SDK1: variants seen among roughly 807,000 people sequenced by gnomAD.
SDK1 encodes sidekick cell adhesion molecule 1.
SDK1 carries 157 observed loss-of-function variants against 245.5 expected under a neutral mutation model. The observed-to-expected ratio is 0.64, with a 90% CI of 0.56 to 0.73. The LOEUF is 0.73. Ranked by LOEUF, SDK1 falls within the 30% of genes least tolerant of loss-of-function variation. SDK1 has a pLI of 0.00. For synonymous variants in SDK1, 1,647 were observed against 1,278.5 expected, an observed-to-expected ratio of 1.29 and a Z score of -6.15; for missense variants, 3,583 against 3,002.3, an observed-to-expected ratio of 1.19 and a Z score of -4.52.
At chr7:3,477,384 T>G (rs1781379852) in intron 1 of SDK1, among the ~76,000 whole-genome samples, 1 of 151,066 alleles carries the variant, frequency 6.6e-6, no homozygotes, top group Non-Finnish European at 1.5e-5. Flanking sequence ...TTAGTAGAGA[T>G]GGGGTTTCAC....
intron 1 of SDK1, among the ~76,000 whole-genome samples, chr7:3,485,512 G>A (rs1325655962): frequency 2.6e-5 from 4 of 151,806 alleles, no homozygotes; most frequent in Admixed American, 6.6e-5. Flanking sequence ...GAGGTACCAG[G>A]GTGTAGGTAA....
chr7:4,025,047 CACAA>C (rs1023206098), intron 17 of SDK1, among the ~76,000 whole-genome samples: 12 of 144,646 alleles, frequency 8.3e-5, no homozygotes, highest in African/African-American at 2.1e-4. Context: ...CACACACACA[CACAA>C]ACAGAGCATC....
At chr7:4,000,909 G>A (rs1420249172) in intron 14 of SDK1, among the ~76,000 whole-genome samples, 3 of 152,084 alleles carry the variant, frequency 2.0e-5, no homozygotes, top group African/African-American at 7.2e-5. Context: ...TGTCAGAGGT[G>A]TTTATGAAGG....
At position 4,256,576 on chromosome 7, in the gene SDK1, G is replaced by T. The variant is rs370087562; in HGVS notation, c.6382-8548G>T. ...AAAAGTGGCTTGGATTTCGACGAGGGTTTAAGACGTTTATCCTCTCTACTG... is the reference window on the plus strand; with the variant it reads ...AAAAGTGGCTTGGATTTCGACGAGGTTTTAAGACGTTTATCCTCTCTACTG... On this transcript the variant is annotated intron_variant, in intron 44 of 44. Transcript: ENST00000404826. Among the ~76,000 whole-genome samples the T allele has an allele frequency of 3.2e-4, 49 of 152,360 alleles. 1 individual carries two copies. The East Asian group carries it at 3.9e-3, about 12-fold the overall frequency.
intron 32 of SDK1, among the ~76,000 whole-genome samples, chr7:4,168,480 G>T (rs6979021): frequency 0.12 from 18,844 of 152,244 alleles, 2,185 homozygotes; most frequent in African/African-American, 0.3. Context: ...TCCAGCCCCA[G>T]AGGCTGGGAA....
At chr7:3,809,343 C>A (rs1779328573) in intron 4 of SDK1, among the ~76,000 whole-genome samples, 2 of 152,046 alleles carry the variant, frequency 1.3e-5, no homozygotes, top group Non-Finnish European at 2.9e-5. Context: ...CAGTCACCTC[C>A]CACCAGGCCC....
chr7:3,521,225 C>T (rs1275539505), intron 1 of SDK1, among the ~76,000 whole-genome samples: 1 of 152,198 alleles, frequency 6.6e-6, no homozygotes, highest in Admixed American at 6.5e-5. Flanking sequence ...TCAAGGGAAT[C>T]TTTTACTTCC....
chr7:3,718,779 A>G (rs1442838802), intron 4 of SDK1, among the ~76,000 whole-genome samples: 1 of 152,066 alleles, frequency 6.6e-6, no homozygotes, highest in Non-Finnish European at 1.5e-5. Context: ...GTACCTAACC[A>G]GTACAATAAG....
intron 36 of SDK1, 46 bp downstream of exon 36, chr7:4,206,040 C>T (rs983906480): frequency 7.8e-7 from 1 of 1,283,006 alleles, no homozygotes; most frequent in Non-Finnish European, 1.1e-6. Flanking sequence ...GCTTGGGCAC[C>T]CCTCGTTCAC....
At chr7:3,480,295 T>C (rs1343851858) in intron 1 of SDK1, among the ~76,000 whole-genome samples, 2 of 152,152 alleles carry the variant, frequency 1.3e-5, no homozygotes, top group African/African-American at 2.4e-5. Flanking sequence ...GAGTGGCTCA[T>C]GTGAAAACCT....
At chr7:4,052,153 C>T (rs887689818) in intron 19 of SDK1, among the ~76,000 whole-genome samples, 2 of 141,274 alleles carry the variant, frequency 1.4e-5, no homozygotes, top group African/African-American at 5.9e-5. Context: ...CTGATTCCCT[C>T]ACCTGCTTCC....
intron 1 of SDK1, among the ~76,000 whole-genome samples, chr7:3,444,027 C>A (rs147347331): frequency 5.3e-5 from 8 of 152,218 alleles, no homozygotes; most frequent in Non-Finnish European, 5.9e-5. Context: ...TCAAGAGAGG[C>A]GGTTGTGCAG....
intron 1 of SDK1, among the ~76,000 whole-genome samples, chr7:3,305,795 A>T (rs973271685): frequency 6.8e-6 from 1 of 147,418 alleles, no homozygotes. Flanking sequence ...ATTACCCTCT[A>T]TGCAGTCTGC....
At chr7:4,074,882 C>A (rs1440327178) in intron 20 of SDK1, among the ~76,000 whole-genome samples, 26 of 80,584 alleles carry the variant, frequency 3.2e-4, no homozygotes, top group African/African-American at 1.9e-3. Flanking sequence ...CTCTCTCTCT[C>A]TCTGTATATA....
intron 4 of SDK1, among the ~76,000 whole-genome samples, chr7:3,777,145 G>A (rs1449387003): frequency 6.6e-6 from 1 of 152,166 alleles, no homozygotes; most frequent in African/African-American, 2.4e-5. Flanking sequence ...AGATAAAAGT[G>A]TCACTGTAGG....
At chr7:3,790,661 C>G (rs1033572387) in intron 4 of SDK1, among the ~76,000 whole-genome samples, 2 of 152,110 alleles carry the variant, frequency 1.3e-5, no homozygotes, top group African/African-American at 4.8e-5. Flanking sequence ...ACAAAATTAT[C>G]TGGGCATGGT....
Position 3,931,034 on chromosome 7 carries a change from A to G in SDK1, c.848-19889A>G, listed in dbSNP as rs577838207. Among the ~76,000 whole-genome samples the G allele has an allele frequency of 3.3e-5, 5 of 152,340 alleles. No homozygotes were observed. The South Asian group carries it at 1.0e-3, about 32-fold the overall frequency. On this transcript the variant is annotated intron_variant, in intron 5 of 44. Coordinates refer to ENST00000404826, the MANE Select transcript of SDK1 (RefSeq NM_152744.4). Reference sequence around the variant, plus strand: ...TAATAGCAGATGGACATGTATAATCATTTCTTTTCTAAATAAGTGTGCATA... The same window carrying G: ...TAATAGCAGATGGACATGTATAATCGTTTCTTTTCTAAATAAGTGTGCATA...
chr7:3,798,982 C>G (rs998503445), intron 4 of SDK1, among the ~76,000 whole-genome samples: 3 of 152,162 alleles, frequency 2.0e-5, no homozygotes, highest in African/African-American at 7.2e-5. Context: ...TTCTCTTCCC[C>G]TCATTCTTCT....
intron 5 of SDK1, among the ~76,000 whole-genome samples, chr7:3,931,223 C>G (rs778167829): frequency 5.9e-5 from 9 of 152,192 alleles, no homozygotes; most frequent in Admixed American, 2.6e-4. Flanking sequence ...CAGAGCTTCT[C>G]AAATGAGAAA....
Sources: allele counts gnomAD v4.1 joint callset (sites outside exome capture counted in the v4.1 genomes callset), GRCh38; gene constraint gnomAD v4.1.1; transcripts MANE v1.5; gene names NCBI Gene and HGNC (gene_info 2026-07-23, HGNC 2026-07-21).